The following VAC14 variants were observed in gnomAD, a reference collection of about 807,000 sequenced individuals.
VAC14 encodes the protein protein VAC14 homolog.
Under a neutral mutation model 85.3 loss-of-function variants are expected in VAC14, and 47 were observed. The observed-to-expected ratio is 0.55, with a 90% CI of 0.44 to 0.70. The LOEUF is 0.70. Among genes scored for constraint, VAC14 ranks in the 30% least tolerant of loss-of-function variants. The pLI is 0.00. For synonymous variants in VAC14, 447 were observed against 430.5 expected, an observed-to-expected ratio of 1.04 and a Z score of -0.47; for missense variants, 861 against 1,004.3, an observed-to-expected ratio of 0.86 and a Z score of 1.93.
At chr16:70,786,803 C>T (rs1465465005) in intron 1 of VAC14, among the ~76,000 whole-genome samples, 1 of 152,200 alleles carries the variant, frequency 6.6e-6, no homozygotes, top group Non-Finnish European at 1.5e-5. Context: ...TGGGTAAGAG[C>T]CACATGCCAA....
At chr16:70,761,885 C>T (rs1285925957) in intron 12 of VAC14, among the ~76,000 whole-genome samples, 1 of 152,200 alleles carries the variant, frequency 6.6e-6, no homozygotes, top group East Asian at 1.9e-4. Flanking sequence ...TAGCATTTTA[C>T]ATGGATCATT....
chr16:70,737,376 A>C (rs3785422), intron 13 of VAC14, among the ~76,000 whole-genome samples: 1 of 152,028 alleles, frequency 6.6e-6, no homozygotes, highest in Non-Finnish European at 1.5e-5. Context: ...CTGCTGCAGC[A>C]GGGGGCGAGG....
At chr16:70,702,800 C>T (rs1263027713) in intron 14 of VAC14, among the ~76,000 whole-genome samples, 1 of 152,164 alleles carries the variant, frequency 6.6e-6, no homozygotes, top group Non-Finnish European at 1.5e-5. Flanking sequence ...CCACTACAGT[C>T]CCTAGTCCAC....
intron 4 of VAC14, 34 bp downstream of exon 4, chr16:70,784,742 T>A (rs756578438): frequency 3.0e-5 from 48 of 1,591,084 alleles, no homozygotes; most frequent in Non-Finnish European, 4.1e-5. Flanking sequence ...AGAAACAGAT[T>A]GTAGAAATAA....
intron 14 of VAC14, among the ~76,000 whole-genome samples, chr16:70,728,203 A>T (rs2054487013): frequency 6.6e-6 from 1 of 152,078 alleles, no homozygotes; most frequent in Non-Finnish European, 1.5e-5. Context: ...CCAGAAGAGC[A>T]AGCGATCGCC....
At chr16:70,692,469 C>T (rs759115139) in intron 18 of VAC14, among the ~76,000 whole-genome samples, 2 of 152,140 alleles carry the variant, frequency 1.3e-5, no homozygotes, top group Non-Finnish European at 2.9e-5. Context: ...AGGAACTCCT[C>T]CCCCTGCCCG....
intron 1 of VAC14, among the ~76,000 whole-genome samples, chr16:70,796,353 C>T (rs931048167): frequency 2.6e-5 from 4 of 152,154 alleles, no homozygotes; most frequent in Non-Finnish European, 5.9e-5. Context: ...GTTTTAATGC[C>T]TCACTGGAAC....
chr16:70,760,959 G>A (rs1159883613), intron 12 of VAC14, among the ~76,000 whole-genome samples: 1 of 129,726 alleles, frequency 7.7e-6, no homozygotes, highest in Non-Finnish European at 1.6e-5. Flanking sequence ...TGCACGAAGA[G>A]AGGGTGTGTG....
At chr16:70,742,503 C>T (rs928415238) in intron 13 of VAC14, among the ~76,000 whole-genome samples, 4 of 152,250 alleles carry the variant, frequency 2.6e-5, no homozygotes, top group Admixed American at 2.0e-4. Context: ...ACTCGTTTGC[C>T]GAGGGACAGA....
intron 12 of VAC14, among the ~76,000 whole-genome samples, chr16:70,754,910 A>C (rs1315779278): frequency 6.6e-6 from 1 of 152,188 alleles, no homozygotes; most frequent in African/African-American, 2.4e-5. Context: ...GTTCTTATGG[A>C]AGACTGTCCG....
Position 70,780,884 on chromosome 16 carries a change from G to T in VAC14, c.1002C>A (p.Pro334=). ...CNQSLMKLVT[P]EDDELDELRP... Reference sequence around the variant, plus strand: ...TCAGCTCATCCAGCTCGTCGTCCTCGGGGGTGACCAGCTTCATCAGGCTCT... The same window carrying T: ...TCAGCTCATCCAGCTCGTCGTCCTCTGGGGTGACCAGCTTCATCAGGCTCT... The change falls in exon 9 of 19, where the codon CCC becomes CCA. Residue 334 remains proline, a synonymous_variant. Coordinates refer to ENST00000261776, the MANE Select transcript of VAC14 (RefSeq NM_018052.5). The T allele has an allele frequency of 6.2e-7, 1 of 1,614,074 alleles. No individual in the cohort carries two copies. Among genetic ancestry groups the T allele is most frequent in the Non-Finnish European group, 8.5e-7 (1 of 1,180,022 alleles).
At chr16:70,688,325 T>C (rs1201090308) in intron 18 of VAC14, 1 of 1,183,792 alleles carries the variant, frequency 8.4e-7, no homozygotes, top group East Asian at 3.6e-5. Context: ...GCTATTGCCC[T>C]CGGCCTGTGG....
At chr16:70,776,767 T>A (rs962113167) in intron 9 of VAC14, among the ~76,000 whole-genome samples, 4 of 152,190 alleles carry the variant, frequency 2.6e-5, no homozygotes, top group Admixed American at 2.0e-4. Context: ...TCAATTTTTT[T>A]TTTTTTTAAT....
At chr16:70,737,756 G>A (rs1383481243) in intron 13 of VAC14, among the ~76,000 whole-genome samples, 1 of 152,214 alleles carries the variant, frequency 6.6e-6, no homozygotes, top group African/African-American at 2.4e-5. Context: ...GGGATGTTTT[G>A]GATTGAGTTT....
In VAC14 at chr16:70,713,466, G is replaced by A. The variant is rs79489174; in HGVS notation, c.1662-14655C>T. 9.8e-3 allele frequency among the ~76,000 whole-genome samples: 1,496 copies of A among 152,254 alleles called. 28 individuals are homozygous for A. Among genetic ancestry groups the A allele is most frequent in the African/African-American group, 0.035 (1,452 of 41,546 alleles). ...TTCCAATTAAAGTACAAAGGGTTTC[G>A]GGCTGCCTTTCCAGACGTCCTTCCC... On this transcript the variant is annotated intron_variant, in intron 14 of 18. Transcript: ENST00000261776.
intron 14 of VAC14, among the ~76,000 whole-genome samples, chr16:70,727,631 C>T (rs2054468271): frequency 6.6e-6 from 1 of 152,218 alleles, no homozygotes; most frequent in African/African-American, 2.4e-5. Context: ...AGCCACTGCA[C>T]CCAGCCAACG....
Position 70,762,430 on chromosome 16 carries a change from C to T in VAC14, c.1371+110G>A, listed in dbSNP as rs2143070016. On this transcript the variant is annotated intron_variant, in intron 12 of 18. Coordinates refer to ENST00000261776, the MANE Select transcript of VAC14 (RefSeq NM_018052.5). The surrounding 1 kb of genome is among the most constrained non-coding windows in gnomAD (Gnocchi z 4.1). ...GCCCCAAAGTGAGTATTAAACACAG[C>T]TTTACCTCTAGGAAGGATGCACTGT... 1 of 1,154,052 alleles carries T rather than the reference C, an allele frequency of 8.7e-7. No individual in the cohort carries two copies. The highest frequency in any genetic ancestry group is 2.6e-5 in the East Asian group (1 of 38,824). 71.5% of individuals were successfully genotyped at this position (1,154,052 alleles called of 1,614,324 possible).
chr16:70,703,566 C>T (rs982413387), intron 14 of VAC14, among the ~76,000 whole-genome samples: 1 of 152,232 alleles, frequency 6.6e-6, no homozygotes, highest in Non-Finnish European at 1.5e-5. Context: ...GCTTTTGGCC[C>T]AGCAGGGGCT....
rs149079547 is a variant in VAC14, at chr16:70,688,388, C to T, written c.2187-298G>A. On this transcript the variant is annotated intron_variant, in intron 18 of 18. Transcript: ENST00000261776. ...CGCATTGGGAAGCATTTCCTGTTTA[C>T]GAGTGGCTCCCTTTGGGGTGAAAGC... is the stretch of plus-strand genomic sequence containing the variant. The T allele has an allele frequency of 3.1e-4, 325 of 1,056,210 alleles. 5 individuals carry two copies. The African/African-American group carries it at 4.8e-3, about 16-fold the overall frequency. 65.4% of individuals were successfully genotyped at this position (1,056,210 alleles called of 1,614,324 possible). A position where few individuals can be genotyped will look rare whatever the true frequency, so the allele number is the denominator to read the frequency against.
Sources: gnomAD v4.1 joint callset for allele counts (sites outside exome capture counted in the v4.1 genomes callset) on GRCh38, gnomAD v4.1.1 for gene constraint, Gnocchi (gnomAD v3.1) non-coding constraint, MANE v1.5 for transcripts, NCBI Gene and HGNC (gene_info 2026-07-23, HGNC 2026-07-21) for gene names.